PRTFDC1: variants seen among roughly 807,000 people sequenced by gnomAD.
The protein encoded by PRTFDC1 is phosphoribosyltransferase domain-containing protein 1.
In PRTFDC1, 38 loss-of-function variants were observed where a neutral mutation model predicts 34.6. The ratio of observed to expected loss-of-function variants is 1.10; its 90% CI spans 0.85 to 1.44. The LOEUF (loss-of-function observed/expected upper bound fraction) is 1.44, where lower values mean the gene tolerates loss of function less well. PRTFDC1 is among the 40% of genes most tolerant of loss of function. The pLI, the probability that PRTFDC1 is intolerant of heterozygous loss-of-function variation, is 0.00. For missense variants in PRTFDC1, 270 were observed against 283.0 expected (o/e 0.95, Z 0.33); for synonymous variants, 93 against 98.1 (o/e 0.95, Z 0.31).
At chr10:24,852,862 G>A (rs1378203188) in intron 7 of PRTFDC1, among the ~76,000 whole-genome samples, 1 of 151,592 alleles carries the variant, frequency 6.6e-6, no homozygotes, top group Non-Finnish European at 1.5e-5. Flanking sequence ...TTCACAAGAA[G>A]AAAACGACTG....
In PRTFDC1 at chr10:24,866,805, AG is replaced by A. The variant is rs1463941886; in HGVS notation, c.405+5192del. Among the ~76,000 whole-genome samples the A allele has an allele frequency of 2.8e-3, 423 of 152,036 alleles. 1 individual carries two copies. The highest frequency in any genetic ancestry group is 9.5e-3 in the African/African-American group (395 of 41,452). ...AGAAAAGAAAGAAAGAGAGAGAGAG[AG>A]AGAGAAAAGAAGAGAGAGAAAGGAA... On this transcript the variant is annotated intron_variant, in intron 4 of 8. Transcript: ENST00000320152.
chr10:24,952,109 A>C lies in PRTFDC1; in HGVS notation c.48+419T>G, dbSNP rs1480186537. Reference sequence around the variant, plus strand: ...TTCAAAACCCCTCAGTGTGCTTTTTAAAAACAAAACTTGAAGCCCGCCCTG... The same window carrying C: ...TTCAAAACCCCTCAGTGTGCTTTTTCAAAACAAAACTTGAAGCCCGCCCTG... On this transcript the variant is annotated intron_variant, in intron 1 of 8. Coordinates refer to ENST00000320152, the MANE Select transcript of PRTFDC1 (RefSeq NM_020200.7). The surrounding 1 kb of genome is among the most constrained non-coding windows in gnomAD (Gnocchi z 5.1). Among the ~76,000 whole-genome samples, 1 of 152,194 alleles carries C rather than the reference A, an allele frequency of 6.6e-6. No homozygotes were observed. The highest frequency in any genetic ancestry group is 1.9e-4 in the East Asian group (1 of 5,172).
At chr10:24,858,145 A>G (rs1355458029) in intron 5 of PRTFDC1, among the ~76,000 whole-genome samples, 26 of 152,210 alleles carry the variant, frequency 1.7e-4, no homozygotes, top group Non-Finnish European at 4.4e-5. Flanking sequence ...ATAAGAATCA[A>G]CACAGAGATA....
intron 1 of PRTFDC1, 41 bp from the exon 2 acceptor site, chr10:24,942,477 G>A (rs1241349721): frequency 1.3e-6 from 2 of 1,508,292 alleles, no homozygotes; most frequent in South Asian, 2.2e-5. Context: ...TTTTTCATCA[G>A]AAATTTGTTT....
chr10:24,915,943 C>T (rs1848687282), intron 3 of PRTFDC1, among the ~76,000 whole-genome samples: 1 of 152,176 alleles, frequency 6.6e-6, no homozygotes, highest in African/African-American at 2.4e-5. Context: ...TGCCTCTCTT[C>T]CCTGAACTCC....
At position 24,952,422 on chromosome 10, in the gene PRTFDC1, G is replaced by A; in HGVS notation, c.48+106C>T. The A allele has an allele frequency of 7.7e-7, 1 of 1,296,374 alleles. No homozygotes were observed. Among genetic ancestry groups the A allele is most frequent in the Non-Finnish European group, 1.1e-6 (1 of 920,364 alleles). The allele number at this position is 1,296,374 out of a possible 1,614,324, so 80.3% of individuals were successfully genotyped here. On this transcript the variant is annotated intron_variant, in intron 1 of 8. Transcript: ENST00000320152. This position sits in a 1 kb window ranked among gnomAD's most constrained non-coding sequence, Gnocchi z 5.1. Reference sequence around the variant, plus strand: ...CCCCGCCGGGAGGGAGAACAAAGCGGTGGCCCTCTCTCTCCCCCGACGCAC... The same window carrying A: ...CCCCGCCGGGAGGGAGAACAAAGCGATGGCCCTCTCTCTCCCCCGACGCAC...
chr10:24,903,753 T>C (rs1250164796), intron 3 of PRTFDC1, among the ~76,000 whole-genome samples: 2 of 151,518 alleles, frequency 1.3e-5, no homozygotes, highest in Non-Finnish European at 1.5e-5. Flanking sequence ...ATCTAGGCTG[T>C]AGTGCAGTGC....
intron 3 of PRTFDC1, among the ~76,000 whole-genome samples, chr10:24,927,024 T>C (rs4319409): frequency 0.35 from 52,977 of 151,864 alleles, 11,325 homozygotes; most frequent in African/African-American, 0.6. Context: ...CTGTAAGGAG[T>C]GATAACAAAA....
At chr10:24,856,325 G>T (rs1324635605) in intron 6 of PRTFDC1, among the ~76,000 whole-genome samples, 2 of 151,514 alleles carry the variant, frequency 1.3e-5, no homozygotes, top group Non-Finnish European at 2.9e-5. Context: ...AGTGGCTCGT[G>T]CCTGTAATCC....
At chr10:24,908,542 G>A in intron 3 of PRTFDC1, 2 of 1,612,760 alleles carry the variant, frequency 1.2e-6, no homozygotes, top group African/African-American at 1.3e-5. Context: ...ACCGGATGTG[G>A]AAACAGGGAA....
In PRTFDC1 at chr10:24,921,273, C is replaced by G. The variant is rs568685062; in HGVS notation, c.339+15911G>C. 3.3e-5 allele frequency among the ~76,000 whole-genome samples: 5 copies of G among 152,202 alleles called. No homozygotes were observed. In the East Asian group the frequency reaches 9.7e-4, roughly 29 times the overall value. ...TCATTTCTCAGATCTCTTACACACG[C>G]CAATGTGAATTTTGGAAGTGTGAGT... On this transcript the variant is annotated intron_variant, in intron 3 of 8. Transcript: ENST00000320152.
chr10:24,851,734 T>C (rs1171174825), intron 7 of PRTFDC1, among the ~76,000 whole-genome samples: 1 of 151,776 alleles, frequency 6.6e-6, no homozygotes, highest in African/African-American at 2.4e-5. Flanking sequence ...TCAGGAAGCC[T>C]GGTGCATAAC....
intron 3 of PRTFDC1, among the ~76,000 whole-genome samples, chr10:24,873,110 G>A (rs1034390304): frequency 4.6e-5 from 7 of 152,048 alleles, no homozygotes; most frequent in South Asian, 4.2e-4. Context: ...ACAGATAGGC[G>A]CCACCATGCC....
intron 3 of PRTFDC1, among the ~76,000 whole-genome samples, chr10:24,875,840 C>A (rs1847952831): frequency 7.5e-6 from 1 of 133,544 alleles, no homozygotes; most frequent in East Asian, 2.2e-4. Context: ...TGTTATAATT[C>A]TCATAGTTTT....
Position 24,849,867 on chromosome 10 carries a change from C to T in PRTFDC1, c.655G>A (p.Gly219Ser), listed in dbSNP as rs1847453213. Reference sequence around the variant, plus strand: ...CTTTAGACTCGATATTTTTCTTTACCGTGCTCATTGATGACGCATATGTGC... The same window carrying T: ...CTTTAGACTCGATATTTTTCTTTACTGTGCTCATTGATGACGCATATGTGC... Reference protein sequence around the residue: ...LNHICVINEHGKEKYRV With the variant: ...LNHICVINEHSKEKYRV The change falls in exon 9 of 9, where the codon GGT (glycine) becomes AGT (serine). Residue 219 changes from glycine to serine, a missense_variant. Physicochemically the swap from Gly to Ser is moderately conservative, Grantham distance 56. Coordinates refer to ENST00000320152, the MANE Select transcript of PRTFDC1 (RefSeq NM_020200.7). 1.9e-6 allele frequency: 3 copies of T among 1,613,690 alleles called. No individual in the cohort carries two copies. The highest frequency in any genetic ancestry group is 1.7e-6 in the Non-Finnish European group (2 of 1,179,828).
chr10:24,888,127 C>T (rs72780356), intron 3 of PRTFDC1, among the ~76,000 whole-genome samples: 30,331 of 152,142 alleles, frequency 0.2, 3,146 homozygotes, highest in South Asian at 0.35. Flanking sequence ...CATGCCTTGG[C>T]CTCCCAAAAT....
intron 3 of PRTFDC1, among the ~76,000 whole-genome samples, chr10:24,890,598 A>G (rs758251943): frequency 2.6e-5 from 4 of 152,204 alleles, no homozygotes; most frequent in Non-Finnish European, 4.4e-5. Flanking sequence ...AGGGAGGAGA[A>G]GAAGTTTGAC....
chr10:24,855,392 GA>G, intron 6 of PRTFDC1, 28 bp from the exon 7 acceptor site: 1 of 1,611,468 alleles, frequency 6.2e-7, no homozygotes, highest in East Asian at 2.2e-5. Context: ...ATGCTTTAGT[GA>G]ACCCAATCAA....
intron 3 of PRTFDC1, among the ~76,000 whole-genome samples, chr10:24,906,132 C>T (rs552182048): frequency 2.6e-5 from 4 of 152,276 alleles, no homozygotes; most frequent in Non-Finnish European, 5.9e-5. Context: ...ATGGCGTGCT[C>T]CTTCCATCCC....
Sources: allele counts gnomAD v4.1 joint callset (sites outside exome capture counted in the v4.1 genomes callset), GRCh38; gene constraint gnomAD v4.1.1; non-coding constraint Gnocchi (gnomAD v3.1); transcripts MANE v1.5; gene names NCBI Gene and HGNC (gene_info 2026-07-23, HGNC 2026-07-21).